ABCA13: variants seen among roughly 807,000 people sequenced by gnomAD.
The protein encoded by ABCA13 is ATP-binding cassette sub-family A member 13.
Under a neutral mutation model 478.7 loss-of-function variants are expected in ABCA13, and 476 were observed. The ratio of observed to expected loss-of-function variants is 0.99; its 90% CI spans 0.92 to 1.07. ABCA13 has a LOEUF of 1.07. ABCA13 is among the 50% of genes least tolerant of loss of function. The pLI is 0.00. For synonymous variants in ABCA13, 2,252 were observed against 2,158.9 expected (o/e 1.04, Z -1.20); for missense variants, 6,060 against 5,910.6 (o/e 1.03, Z -0.83).
chr7:48,376,205 A>G (rs1005282075), intron 34 of ABCA13, among the ~76,000 whole-genome samples: 1 of 152,184 alleles, frequency 6.6e-6, no homozygotes, highest in Non-Finnish European at 1.5e-5. Context: ...AAAACTTTTT[A>G]AAGTATTAGA....
chr7:48,327,196 G>C (rs1804467498), intron 27 of ABCA13, among the ~76,000 whole-genome samples: 1 of 152,158 alleles, frequency 6.6e-6, no homozygotes, highest in Non-Finnish European at 1.5e-5. Context: ...TCACATGGCT[G>C]GGGAGGCCTC....
rs532777073 is a variant in ABCA13, at chr7:48,375,615, T to G, written c.11204-826T>G. ...TCATAGATATTTGTATGGTTTTTTT[T>G]GGGGGGGGGTGTTTTTGTAAACAGA... On this transcript the variant is annotated intron_variant, in intron 34 of 61. Coordinates refer to ENST00000435803, the MANE Select transcript of ABCA13 (RefSeq NM_152701.5). Among the ~76,000 whole-genome samples, 277 of 150,510 alleles carry G rather than the reference T, an allele frequency of 1.8e-3. 1 individual carries two copies. The East Asian group carries it at 0.036, about 19-fold the overall frequency.
chr7:48,512,905 C>T (rs769575582), intron 51 of ABCA13, among the ~76,000 whole-genome samples: 1 of 152,156 alleles, frequency 6.6e-6, no homozygotes, highest in Non-Finnish European at 1.5e-5. Flanking sequence ...TAACTCAGAC[C>T]GTGTTTGTAA....
chr7:48,550,763 C>A (rs1211307241), intron 55 of ABCA13, among the ~76,000 whole-genome samples: 2 of 151,384 alleles, frequency 1.3e-5, no homozygotes, highest in African/African-American at 4.8e-5. Flanking sequence ...ATCCGTCCAT[C>A]CATCCATCCA....
intron 50 of ABCA13, among the ~76,000 whole-genome samples, chr7:48,508,880 A>T (rs1235386808): frequency 1.3e-5 from 2 of 152,236 alleles, no homozygotes; most frequent in Non-Finnish European, 2.9e-5. Context: ...GAGCTGGCTT[A>T]GAATTTAGCT....
chr7:48,238,300 G>A (rs1483747437), intron 8 of ABCA13, among the ~76,000 whole-genome samples: 1 of 152,124 alleles, frequency 6.6e-6, no homozygotes, highest in Non-Finnish European at 1.5e-5. Flanking sequence ...TTCAAAATAC[G>A]AATTTTGGCG....
rs181636680 is a variant in ABCA13, at chr7:48,461,906, A to G, written c.12816-5050A>G. 9.9e-5 allele frequency among the ~76,000 whole-genome samples: 15 copies of G among 152,256 alleles called. No homozygotes were observed. The East Asian group carries it at 1.7e-3, about 18-fold the overall frequency. ...ATTCCACAAACACTTACAAGGCCAT[A>G]AGTTCTACCCTGAGAAAGTTTACAG... On this transcript the variant is annotated intron_variant, in intron 43 of 61. Transcript: ENST00000435803.
intron 42 of ABCA13, among the ~76,000 whole-genome samples, chr7:48,431,081 T>G (rs1822078477): frequency 6.6e-6 from 1 of 152,230 alleles, no homozygotes; most frequent in Non-Finnish European, 1.5e-5. Context: ...ACTTCTCTTT[T>G]GATTTCTTTC....
intron 27 of ABCA13, among the ~76,000 whole-genome samples, chr7:48,323,788 C>A (rs927646460): frequency 6.6e-6 from 1 of 152,140 alleles, no homozygotes; most frequent in African/African-American, 2.4e-5. Context: ...TTGCCATAAT[C>A]CCCACGTGTC....
At chr7:48,205,227 TC>T (rs1784776288) in intron 3 of ABCA13, among the ~76,000 whole-genome samples, 1 of 152,272 alleles carries the variant, frequency 6.6e-6, no homozygotes, top group South Asian at 2.1e-4. Context: ...TACATTATTT[TC>T]TTAAAGTATT....
chr7:48,387,772 C>T, intron 35 of ABCA13, 50 bp from the exon 36 acceptor site: 1 of 1,387,168 alleles, frequency 7.2e-7, no homozygotes, highest in South Asian at 1.4e-5. Context: ...TAATACAGTA[C>T]CTTCATCTAA....
chr7:48,368,732 T>C (rs1812151694), intron 32 of ABCA13, among the ~76,000 whole-genome samples: 1 of 137,692 alleles, frequency 7.3e-6, no homozygotes, highest in Admixed American at 7.3e-5. Flanking sequence ...CACACACACA[T>C]TTATATATAT....
At chr7:48,313,449 A>G (rs1055523318) in intron 25 of ABCA13, among the ~76,000 whole-genome samples, 4 of 152,256 alleles carry the variant, frequency 2.6e-5, no homozygotes, top group Non-Finnish European at 5.9e-5. Context: ...GTTGATCTAC[A>G]TTCCACCAGT....
chr7:48,530,796 T>C (rs1833176327), intron 55 of ABCA13, among the ~76,000 whole-genome samples: 1 of 152,090 alleles, frequency 6.6e-6, no homozygotes, highest in African/African-American at 2.4e-5. Context: ...CTTTTGAGAA[T>C]TGTCTATTCA....
At chr7:48,479,104 C>A (rs868139953) in intron 45 of ABCA13, among the ~76,000 whole-genome samples, 1 of 151,602 alleles carries the variant, frequency 6.6e-6, no homozygotes. Context: ...GCCGCCACTA[C>A]GCCCGGCTAA....
At chr7:48,201,047 G>A (rs902818795) in intron 3 of ABCA13, among the ~76,000 whole-genome samples, 12 of 152,150 alleles carry the variant, frequency 7.9e-5, no homozygotes, top group South Asian at 4.1e-4. Context: ...CTCGCTCACC[G>A]CGCAGAGCTC....
chr7:48,421,751 G>C (rs988683094), intron 41 of ABCA13, among the ~76,000 whole-genome samples: 1 of 152,038 alleles, frequency 6.6e-6, no homozygotes, highest in African/African-American at 2.4e-5. Context: ...CTCTATTTTT[G>C]CTTCTCTTTC....
At chr7:48,465,871 C>T (rs1826822865) in intron 43 of ABCA13, among the ~76,000 whole-genome samples, 2 of 151,924 alleles carry the variant, frequency 1.3e-5, no homozygotes, top group Non-Finnish European at 2.9e-5. Flanking sequence ...TGCATTTCTT[C>T]AATGTAGCTA....
intron 59 of ABCA13, among the ~76,000 whole-genome samples, chr7:48,630,489 A>ACT (rs1794075799): frequency 6.6e-6 from 1 of 152,164 alleles, no homozygotes; most frequent in Admixed American, 6.5e-5. Context: ...AGAAGACACG[A>ACT]TCTTGTTCTT....
Sources: allele counts gnomAD v4.1 joint callset (sites outside exome capture counted in the v4.1 genomes callset), GRCh38; gene constraint gnomAD v4.1.1; transcripts MANE v1.5; gene names NCBI Gene and HGNC (gene_info 2026-07-23, HGNC 2026-07-21).